Variants in PLBD2 observed in about 807,000 individuals in gnomAD.
PLBD2 encodes the protein phospholipase B domain containing 2.
In PLBD2, 51 loss-of-function variants were observed where a neutral mutation model predicts 68.3. That is an observed-to-expected ratio of 0.75 (90% confidence interval 0.60 to 0.94). PLBD2 has a LOEUF of 0.94. PLBD2 is among the 40% of genes least tolerant of loss of function. The probability of loss-of-function intolerance (pLI) is 0.00; values close to 1 mark genes in which losing one functional copy is unlikely to be tolerated. For missense variants in PLBD2, 729 were observed against 792.2 expected (o/e 0.92, Z 0.96); for synonymous variants, 314 against 339.3 (o/e 0.93, Z 0.82).
chr12:113,362,704 C>T (rs1451887375), intron 1 of PLBD2, among the ~76,000 whole-genome samples: 4 of 151,728 alleles, frequency 2.6e-5, no homozygotes, highest in African/African-American at 9.7e-5. Flanking sequence ...CCCCTGTCAG[C>T]GTTTATCTCA....
intron 5 of PLBD2, among the ~76,000 whole-genome samples, chr12:113,380,452 T>G (rs184366854): frequency 1.4e-3 from 213 of 152,320 alleles, no homozygotes; most frequent in Non-Finnish European, 2.6e-3. Context: ...TTCTTTTTAA[T>G]CATGTTTTTT....
chr12:113,378,893 A>G (rs762481521), intron 5 of PLBD2, among the ~76,000 whole-genome samples: 3 of 152,166 alleles, frequency 2.0e-5, no homozygotes, highest in Non-Finnish European at 4.4e-5. Flanking sequence ...CATGTTGGTA[A>G]GGCTGGTCTC....
At chr12:113,380,313 T>G (rs1593288295) in intron 5 of PLBD2, among the ~76,000 whole-genome samples, 1 of 152,168 alleles carries the variant, frequency 6.6e-6, no homozygotes, top group African/African-American at 2.4e-5. Flanking sequence ...ATTTTTTGTA[T>G]TTTTAGTAGA....
intron 6 of PLBD2, among the ~76,000 whole-genome samples, chr12:113,383,850 T>A (rs564255762): frequency 2.8e-4 from 42 of 151,450 alleles, no homozygotes; most frequent in Non-Finnish European, 4.9e-4. Context: ...AATACAAAAG[T>A]TAGCCAGGCG....
At chr12:113,382,862 TG>T (rs1401659621) in intron 6 of PLBD2, among the ~76,000 whole-genome samples, 36 of 133,140 alleles carry the variant, frequency 2.7e-4, no homozygotes, top group Non-Finnish European at 4.6e-4. Flanking sequence ...TGTGTGTGTG[TG>T]TGTGTTTTTT....
In PLBD2 at chr12:113,374,584, ACC is replaced by A; in HGVS notation, c.644+14_644+15del. On this transcript the variant is annotated intron_variant, in intron 4 of 11. Transcript: ENST00000280800. ...AACCCTTGGGGTTCCTGTAAGTGCC[ACC>A]CCCAGAGTGAACAGGGTGGGAAGAA... 1 of 1,582,684 alleles carries A rather than the reference ACC, an allele frequency of 6.3e-7. No individual in the cohort carries two copies. The highest frequency in any genetic ancestry group is 8.6e-7 in the Non-Finnish European group (1 of 1,162,858).
chr12:113,386,906 G>C (rs1957558279), intron 9 of PLBD2, 31 bp from the exon 10 acceptor site: 1 of 1,609,422 alleles, frequency 6.2e-7, no homozygotes, highest in Non-Finnish European at 8.5e-7. Context: ...GGCCAGTGGG[G>C]GTCATGGGTG....
Position 113,388,736 on chromosome 12 carries a change from C to G in PLBD2, c.*110C>G. The G allele has an allele frequency of 8.1e-7, 1 of 1,235,184 alleles. No individual in the cohort carries two copies. Among genetic ancestry groups the G allele is most frequent in the Non-Finnish European group, 1.1e-6 (1 of 914,976 alleles). The allele number at this position is 1,235,184 out of a possible 1,614,324, so 76.5% of individuals were successfully genotyped here. ...CAGCCCCTCCTGGGGGCTTCGTTCT[C>G]TGATCTGGGGTCTGAGTCATCTCCT... On this transcript the variant is annotated 3_prime_UTR_variant, in exon 12 of 12. Coordinates refer to ENST00000280800, the MANE Select transcript of PLBD2 (RefSeq NM_173542.4).
rs1258801817 is a variant in PLBD2 at position 113,388,548 on chromosome 12, C to T, written c.1692C>T (p.Thr564=). ...AGGTGCCCCCGTTCCAGTGGAGCAC[C>T]TCGCCCTTCAGCGGCCTGCTGCACA... The part of the protein sequence containing the change: ...WDQVPPFQWS[T]SPFSGLLHMG... The change falls in exon 12 of 12, where the codon ACC becomes ACT. Residue 564 remains threonine (T), a synonymous_variant. Coordinates refer to ENST00000280800, the MANE Select transcript of PLBD2 (RefSeq NM_173542.4). 2 of 1,611,368 alleles carry T rather than the reference C, an allele frequency of 1.2e-6. No individual in the cohort carries two copies. The highest frequency in any genetic ancestry group is 2.2e-5 in the South Asian group (2 of 90,892).
intron 1 of PLBD2, among the ~76,000 whole-genome samples, chr12:113,362,859 A>G (rs1438080397): frequency 6.0e-5 from 9 of 151,158 alleles, no homozygotes; most frequent in Non-Finnish European, 1.3e-4. Flanking sequence ...ATCTTGGCTC[A>G]TTGCAACCTC....
chr12:113,361,519 T>C (rs1957297216), intron 1 of PLBD2, among the ~76,000 whole-genome samples: 1 of 151,430 alleles, frequency 6.6e-6, no homozygotes, highest in South Asian at 2.1e-4. Context: ...TTTAAATTCT[T>C]TTTTTTTGTA....
chr12:113,374,042 C>T (rs970001960), intron 3 of PLBD2, among the ~76,000 whole-genome samples: 5 of 152,204 alleles, frequency 3.3e-5, no homozygotes, highest in South Asian at 4.1e-4. Context: ...GAGGGACACA[C>T]TGATGATACT....
rs1035557693 is a variant in PLBD2 at position 113,386,810 on chromosome 12, C to T, written c.1287-127C>T. ...TTGGGATTACAGGTGTGAGCCACTG[C>T]ACCCAGCCTGAATGTCGTAGTTGTA... On this transcript the variant is annotated intron_variant, in intron 9 of 11. Transcript: ENST00000280800. 8.8e-6 allele frequency: 10 copies of T among 1,137,138 alleles called. No individual in the cohort carries two copies. The African/African-American group carries it at 1.3e-4, about 15-fold the overall frequency. 70.4% of individuals were successfully genotyped at this position (1,137,138 alleles called of 1,614,324 possible).
In PLBD2 at chr12:113,388,457, A is replaced by G. The variant is rs1593293829; in HGVS notation, c.1603-2A>G. On this transcript the variant is annotated splice_acceptor_variant, in intron 11 of 11. Transcript: ENST00000280800. LOFTEE classifies it high-confidence loss of function. ...TCAGCTGCGGCTCTGCCCTGTCCCC[A>G]GGTGACCAGCATGTCACTGGCCAGG... 3 of 1,582,504 alleles carry G rather than the reference A, an allele frequency of 1.9e-6. No homozygotes were observed. Among genetic ancestry groups the G allele is most frequent in the South Asian group, 2.3e-5 (2 of 88,464 alleles).
At chr12:113,361,547 A>C (rs975974752) in intron 1 of PLBD2, among the ~76,000 whole-genome samples, 2 of 151,790 alleles carry the variant, frequency 1.3e-5, no homozygotes, top group African/African-American at 4.8e-5. Context: ...GGGTCTTGTC[A>C]TGTTGCCCAG....
intron 6 of PLBD2, 48 bp downstream of exon 6, chr12:113,380,890 C>T (rs548795109): frequency 8.1e-5 from 122 of 1,506,458 alleles, no homozygotes; most frequent in East Asian, 2.2e-4. Context: ...GTTTGTCACA[C>T]GGCGGCTCTG....
In PLBD2 at chr12:113,384,276, T is replaced by G. The variant is rs768278851; in HGVS notation, c.1118+11T>G. The G allele has an allele frequency of 4.7e-5, 76 of 1,603,176 alleles. No individual in the cohort carries two copies. The highest frequency in any genetic ancestry group is 6.0e-5 in the Non-Finnish European group (71 of 1,173,766). On this transcript the variant is annotated intron_variant, in intron 7 of 11. Coordinates refer to ENST00000280800, the MANE Select transcript of PLBD2 (RefSeq NM_173542.4). This position sits in a 1 kb window ranked among gnomAD's most constrained non-coding sequence, Gnocchi z 4.2. Reference sequence around the variant, plus strand: ...GTTCAACAGCGGCACGTGAGTGGGCTTCTGGCCCTGTGGCTTCCCCTGCAC... The same window carrying G: ...GTTCAACAGCGGCACGTGAGTGGGCGTCTGGCCCTGTGGCTTCCCCTGCAC...
chr12:113,375,021 G>A lies in PLBD2; in HGVS notation c.859+14G>A, dbSNP rs774078309. 9.3e-6 allele frequency: 15 copies of A among 1,612,982 alleles called. No homozygotes were observed. The highest frequency in any genetic ancestry group is 4.5e-5 in the East Asian group (2 of 44,880). On this transcript the variant is annotated intron_variant, in intron 5 of 11. Coordinates refer to ENST00000280800, the MANE Select transcript of PLBD2 (RefSeq NM_173542.4). ...AAGGCCCCTGGGGTAGGTGGGTGTGGGTGTGTCTGGGGGATGAGCAGGTGG... is the reference window on the plus strand; with the variant it reads ...AAGGCCCCTGGGGTAGGTGGGTGTGAGTGTGTCTGGGGGATGAGCAGGTGG...
intron 1 of PLBD2, among the ~76,000 whole-genome samples, 172 bp from the exon 2 acceptor site, chr12:113,368,944 A>G (rs1328766340): frequency 6.6e-6 from 1 of 152,224 alleles, no homozygotes; most frequent in Non-Finnish European, 1.5e-5. Context: ...CCTTTGAGCC[A>G]GTAGTTCCTC....
Sources: gnomAD v4.1 joint callset for allele counts (sites outside exome capture counted in the v4.1 genomes callset) on GRCh38, gnomAD v4.1.1 for gene constraint, Gnocchi (gnomAD v3.1) non-coding constraint, MANE v1.5 for transcripts, NCBI Gene and HGNC (gene_info 2026-07-23, HGNC 2026-07-21) for gene names.